Variants in UGT8 observed in about 807,000 individuals in gnomAD.
UGT8 encodes the protein UDP glycosyltransferase 8.
In UGT8, 12 loss-of-function variants were observed where a neutral mutation model predicts 40.5. The observed-to-expected ratio is 0.30, with a 90% CI of 0.19 to 0.48. The LOEUF (loss-of-function observed/expected upper bound fraction) is 0.48. Ranked by LOEUF, UGT8 falls within the 20% of genes least tolerant of loss-of-function variation. The pLI, the probability that UGT8 is intolerant of heterozygous loss-of-function variation, is 0.99. For missense variants in UGT8, 513 were observed against 648.7 expected, an observed-to-expected ratio of 0.79 and a Z score of 2.27; for synonymous variants, 224 against 240.4, an observed-to-expected ratio of 0.93 and a Z score of 0.63.
At chr4:114,669,140 T>A (rs1735075638) in intron 5 of UGT8, among the ~76,000 whole-genome samples, 1 of 152,182 alleles carries the variant, frequency 6.6e-6, no homozygotes, top group Non-Finnish European at 1.5e-5. Flanking sequence ...AATTATTTCA[T>A]ATAAAAGGAT....
intron 5 of UGT8, among the ~76,000 whole-genome samples, chr4:114,669,268 G>T (rs923111938): frequency 1.3e-5 from 2 of 152,048 alleles, no homozygotes; most frequent in Non-Finnish European, 2.9e-5. Context: ...ATACAGCTCT[G>T]CCATTGGAGC....
chr4:114,608,936 C>G (rs1730886830), intron 1 of UGT8, among the ~76,000 whole-genome samples: 1 of 152,184 alleles, frequency 6.6e-6, no homozygotes, highest in African/African-American at 2.4e-5. Context: ...CCTTTTATAA[C>G]AATTAAATCA....
chr4:114,659,526 T>C (rs967713982), intron 2 of UGT8, among the ~76,000 whole-genome samples: 1 of 152,128 alleles, frequency 6.6e-6, no homozygotes, highest in South Asian at 2.1e-4. Context: ...CCCATAGAAG[T>C]AGTCCGGGAT....
chr4:114,660,020 T>C lies in UGT8; in HGVS notation c.823-3975T>C, dbSNP rs1223272421. Among the ~76,000 whole-genome samples, 3 of 152,188 alleles carry C rather than the reference T, an allele frequency of 2.0e-5. No homozygotes were observed. In the East Asian group the frequency reaches 5.8e-4, roughly 29 times the overall value. Reference sequence around the variant, plus strand: ...ATTTGGTTAAAAATAAAGATGGATGTCACTGTTACTCTTTCCTTCAGAATA... The same window carrying C: ...ATTTGGTTAAAAATAAAGATGGATGCCACTGTTACTCTTTCCTTCAGAATA... On this transcript the variant is annotated intron_variant, in intron 2 of 5. Transcript: ENST00000310836.
intron 2 of UGT8, among the ~76,000 whole-genome samples, chr4:114,626,811 C>A (rs1266111666): frequency 6.6e-6 from 1 of 152,202 alleles, no homozygotes; most frequent in African/African-American, 2.4e-5. Context: ...CATGCAGAGA[C>A]AGCAGTTTTT....
rs551700892 is a variant in UGT8, at chr4:114,647,857, C to T, written c.823-16138C>T. ...CTCTTAGGCATCACCTTGCCTCTGT[C>T]CCTTATATCCTCTTATTGCTTTGTC... On this transcript the variant is annotated intron_variant, in intron 2 of 5. Transcript: ENST00000310836. Among the ~76,000 whole-genome samples, 52 of 152,260 alleles carry T rather than the reference C, an allele frequency of 3.4e-4. 1 individual carries two copies. Among genetic ancestry groups the T allele is most frequent in the Admixed American group, 3.0e-3 (46 of 15,298 alleles).
At chr4:114,609,625 G>A (rs1434479095) in intron 1 of UGT8, among the ~76,000 whole-genome samples, 1 of 152,052 alleles carries the variant, frequency 6.6e-6, no homozygotes, top group African/African-American at 2.4e-5. Context: ...TTGTGTGGGG[G>A]AGGGATTGGA....
intron 1 of UGT8, among the ~76,000 whole-genome samples, chr4:114,607,697 A>G (rs1730816282): frequency 6.6e-6 from 1 of 152,162 alleles, no homozygotes; most frequent in Admixed American, 6.5e-5. Flanking sequence ...CATTTGCCTC[A>G]GTCTTCGAAG....
At chr4:114,621,914 T>G (rs534658376) in intron 1 of UGT8, among the ~76,000 whole-genome samples, 3 of 152,156 alleles carry the variant, frequency 2.0e-5, no homozygotes, top group Admixed American at 2.0e-4. Context: ...TTAATAGTGA[T>G]TTTTTTTGTA....
intron 1 of UGT8, among the ~76,000 whole-genome samples, chr4:114,616,364 T>C (rs1376567275): frequency 6.6e-6 from 1 of 152,104 alleles, no homozygotes; most frequent in Non-Finnish European, 1.5e-5. Flanking sequence ...GTGCTAGCAA[T>C]GAGTGAGGCT....
At chr4:114,604,118 C>T (rs1056875628) in intron 1 of UGT8, among the ~76,000 whole-genome samples, 3 of 152,068 alleles carry the variant, frequency 2.0e-5, no homozygotes, top group Non-Finnish European at 4.4e-5. Flanking sequence ...TCCATGCTTC[C>T]GCCAGTCAGG....
chr4:114,640,254 T>A, intron 2 of UGT8, among the ~76,000 whole-genome samples: 1 of 151,924 alleles, frequency 6.6e-6, no homozygotes, highest in East Asian at 1.9e-4. Flanking sequence ...ATGGTCTCGA[T>A]CTCCTGACCT....
At chr4:114,616,086 C>A (rs1335532216) in intron 1 of UGT8, among the ~76,000 whole-genome samples, 1 of 152,162 alleles carries the variant, frequency 6.6e-6, no homozygotes, top group African/African-American at 2.4e-5. Flanking sequence ...GTTCTCAGAT[C>A]TCCAGCTGCG....
At chr4:114,632,200 G>A (rs545136817) in intron 2 of UGT8, among the ~76,000 whole-genome samples, 11 of 152,278 alleles carry the variant, frequency 7.2e-5, no homozygotes, top group African/African-American at 2.6e-4. Context: ...TAAACATAGA[G>A]AGTTAATTAG....
intron 2 of UGT8, among the ~76,000 whole-genome samples, chr4:114,646,323 G>C (rs916661845): frequency 5.9e-5 from 9 of 151,312 alleles, no homozygotes; most frequent in African/African-American, 1.9e-4. Context: ...CTAATTTAAG[G>C]TATATCAGAT....
At position 114,672,879 on chromosome 4, in the gene UGT8, C is replaced by T. The variant is rs138073438; in HGVS notation, c.1263-3046C>T. Among the ~76,000 whole-genome samples, 138 of 152,282 alleles carry T rather than the reference C, an allele frequency of 9.1e-4. 1 individual carries two copies. The highest frequency in any genetic ancestry group is 3.1e-3 in the African/African-American group (128 of 41,566). On this transcript the variant is annotated intron_variant, in intron 5 of 5. Transcript: ENST00000310836. ...AATTACACATCTTACGTCTCTGTTT[C>T]CTAATGCTTTGGATTCATTTAATAA... is the stretch of plus-strand genomic sequence containing the variant.
chr4:114,654,604 T>C (rs1377886902), intron 2 of UGT8, among the ~76,000 whole-genome samples: 1 of 152,124 alleles, frequency 6.6e-6, no homozygotes, highest in Non-Finnish European at 1.5e-5. Context: ...AGCTGTTGGC[T>C]GAGACTTTAG....
At position 114,631,210 on chromosome 4, in the gene UGT8, A is replaced by G. The variant is rs115187273; in HGVS notation, c.822+7508A>G. On this transcript the variant is annotated intron_variant, in intron 2 of 5. Coordinates refer to ENST00000310836, the MANE Select transcript of UGT8 (RefSeq NM_001128174.3). ...TAAAAGTAATATCCCAGCAGGGCTCAGTGGCTCACACCTGTAATCCCAGCA... is the reference window on the plus strand; with the variant it reads ...TAAAAGTAATATCCCAGCAGGGCTCGGTGGCTCACACCTGTAATCCCAGCA... Among the ~76,000 whole-genome samples the G allele has an allele frequency of 7.1e-3, 1,088 of 152,284 alleles. 16 individuals carry two copies. Among genetic ancestry groups the G allele is most frequent in the African/African-American group, 0.024 (1,010 of 41,566 alleles).
In UGT8 at chr4:114,634,226, A is replaced by G. The variant is rs116806187; in HGVS notation, c.822+10524A>G. 3.6e-3 allele frequency among the ~76,000 whole-genome samples: 551 copies of G among 152,326 alleles called. 6 individuals are homozygous for G. The highest frequency in any genetic ancestry group is 0.012 in the African/African-American group (517 of 41,566). On this transcript the variant is annotated intron_variant, in intron 2 of 5. Transcript: ENST00000310836. ...AGAGTAAGGGATGAAGAAGTTCTTT[A>G]GGAAAATACATTGTTTAGTTGGGGG...
Sources: allele counts gnomAD v4.1 joint callset (sites outside exome capture counted in the v4.1 genomes callset), GRCh38; gene constraint gnomAD v4.1.1; transcripts MANE v1.5; gene names NCBI Gene and HGNC (gene_info 2026-07-23, HGNC 2026-07-21).